The following BTNL8 variants were observed in gnomAD, a reference collection of about 807,000 sequenced individuals.
The protein encoded by BTNL8 is butyrophilin like 8, also known as butyrophilin-like protein 8.
Under a neutral mutation model 36.1 loss-of-function variants are expected in BTNL8, and 22 were observed. That is an observed-to-expected ratio of 0.61 (90% CI 0.44 to 0.87). The LOEUF (loss-of-function observed/expected upper bound fraction) is 0.87, where lower values mean the gene tolerates loss of function less well. Among genes scored for constraint, BTNL8 ranks in the 40% least tolerant of loss-of-function variants. BTNL8 has a pLI of 0.00. For synonymous variants in BTNL8, 203 were observed against 235.6 expected (o/e 0.86, Z 1.27); for missense variants, 526 against 616.9 (o/e 0.85, Z 1.56).
At chr5:180,936,548 G>A (rs1269832654) in intron 3 of BTNL8, among the ~76,000 whole-genome samples, 1 of 152,118 alleles carries the variant, frequency 6.6e-6, no homozygotes, top group Admixed American at 6.6e-5. Flanking sequence ...TTAAAATTAT[G>A]GAAAATTATA....
chr5:180,931,415 TA>T (rs1416122704), intron 3 of BTNL8, among the ~76,000 whole-genome samples: 1 of 152,078 alleles, frequency 6.6e-6, no homozygotes, highest in Non-Finnish European at 1.5e-5. Context: ...ACTTCATGAC[TA>T]AAACACTAAA....
At chr5:180,908,439 C>A in intron 1 of BTNL8, 147 bp from the exon 2 acceptor site, 2 of 766,188 alleles carry the variant, frequency 2.6e-6, no homozygotes, top group Admixed American at 2.8e-5. Context: ...GAACCCGGTA[C>A]CTCAGATGGA....
At chr5:180,914,481 A>G (rs1757536903) in intron 3 of BTNL8, among the ~76,000 whole-genome samples, 1 of 152,258 alleles carries the variant, frequency 6.6e-6, no homozygotes, top group Non-Finnish European at 1.5e-5. Context: ...GATTCAAACG[A>G]TGATTTCTAA....
rs759437011 is a variant in BTNL8 at position 180,908,797 on chromosome 5, G to A, written c.261G>A (p.Leu87=). 1.2e-6 allele frequency: 2 copies of A among 1,614,056 alleles called. No individual in the cohort carries two copies. The highest frequency in any genetic ancestry group is 3.3e-5 in the Admixed American group (2 of 60,008). The change falls in exon 2 of 8, where the codon CTG becomes CTA. Residue 87 remains leucine (L), a synonymous_variant. Transcript: ENST00000340184. ...CACAGTATCAAGGCAGGACAAAACT[G>A]GTGAAGGATTCTATTGCGGAGGGGC... is the stretch of plus-strand genomic sequence containing the variant. ...QMPQYQGRTK[L]VKDSIAEGRI...
chr5:180,950,742 C>T lies in BTNL8; in HGVS notation c.*198C>T. The T allele has an allele frequency of 6.9e-6, 4 of 582,998 alleles. 1 individual carries two copies. The East Asian group carries it at 1.3e-4, about 19-fold the overall frequency. The allele number at this position is 582,998 out of a possible 1,614,324, so 36.1% of individuals were successfully genotyped here. A position where few individuals can be genotyped will look rare whatever the true frequency, so the allele number is the denominator to read the frequency against. On this transcript the variant is annotated 3_prime_UTR_variant, in exon 8 of 8. Coordinates refer to ENST00000340184, the MANE Select transcript of BTNL8 (RefSeq NM_001040462.3). ...TTTAGTTTGCTCTCACTCCATCTGG[C>T]TAAGTGATCTTGAAATACCACCTCT... is the stretch of plus-strand genomic sequence containing the variant.
chr5:180,927,303 C>T lies in BTNL8; in HGVS notation c.673+15689C>T, dbSNP rs191694114. 1.7e-4 allele frequency among the ~76,000 whole-genome samples: 26 copies of T among 152,270 alleles called. No homozygotes were observed. In the East Asian group the frequency reaches 5.0e-3, roughly 29 times the overall value. On this transcript the variant is annotated intron_variant, in intron 3 of 7. Coordinates refer to ENST00000340184, the MANE Select transcript of BTNL8 (RefSeq NM_001040462.3). ...ACATCAACACAACAAAAAGGATGTC[C>T]ACACAGAAACCCCATTCGAAGGTCA...
At chr5:180,928,046 G>C (rs954790699) in intron 3 of BTNL8, among the ~76,000 whole-genome samples, 5 of 152,102 alleles carry the variant, frequency 3.3e-5, no homozygotes, top group African/African-American at 1.2e-4. Flanking sequence ...ATTCACCAAG[G>C]TTGAAATGAA....
At chr5:180,916,031 G>C (rs1757614818) in intron 3 of BTNL8, among the ~76,000 whole-genome samples, 1 of 152,182 alleles carries the variant, frequency 6.6e-6, no homozygotes, top group African/African-American at 2.4e-5. Flanking sequence ...TGGTCGTGGA[G>C]GCTGGGAAGT....
intron 3 of BTNL8, among the ~76,000 whole-genome samples, chr5:180,927,520 T>C (rs1029544513): frequency 1.3e-5 from 2 of 151,946 alleles, no homozygotes; most frequent in Non-Finnish European, 2.9e-5. Flanking sequence ...AGGTGGGTAA[T>C]AGCAAACTCC....
chr5:180,947,896 C>A, intron 4 of BTNL8: 2 of 1,222,730 alleles, frequency 1.6e-6, no homozygotes, highest in Non-Finnish European at 2.3e-6. Flanking sequence ...GGATAATTTT[C>A]CATGAACACC....
At chr5:180,924,415 G>A (rs1221764210) in intron 3 of BTNL8, among the ~76,000 whole-genome samples, 2 of 149,246 alleles carry the variant, frequency 1.3e-5, no homozygotes, top group Admixed American at 6.9e-5. Context: ...ACACGTCCCT[G>A]ACCAACTACA....
intron 3 of BTNL8, among the ~76,000 whole-genome samples, chr5:180,933,391 A>T (rs1424934499): frequency 6.6e-6 from 1 of 152,208 alleles, no homozygotes; most frequent in Non-Finnish European, 1.5e-5. Flanking sequence ...AGAACATATC[A>T]TATCTTAGGC....
intron 3 of BTNL8, among the ~76,000 whole-genome samples, chr5:180,921,079 A>C (rs191591787): frequency 6.6e-6 from 1 of 152,142 alleles, no homozygotes; most frequent in Admixed American, 6.5e-5. Flanking sequence ...ATTCCACAAA[A>C]AACTGTTAGA....
At chr5:180,911,648 G>A (rs374616316) in intron 3 of BTNL8, 34 bp downstream of exon 3, 142 of 1,569,700 alleles carry the variant, frequency 9.0e-5, no homozygotes, top group Middle Eastern at 1.7e-4. Context: ...AGAAGGAGGG[G>A]TGGATGCTTC....
chr5:180,950,174 G>T lies in BTNL8; in HGVS notation c.1133G>T (p.Trp378Leu). ...ACTTTGTCTCCCGATCATGGGTACT[G>T]GGTCCTCAGACTGAATGGAGAACAT... is the stretch of plus-strand genomic sequence containing the variant. The part of the protein sequence containing the change: ...YVTLSPDHGY[W>L]VLRLNGEHLY... Residue 378 changes from tryptophan (W) to leucine (L), a missense_variant, in exon 8 of 8, where the codon TGG (tryptophan) becomes TTG (leucine). Coordinates refer to ENST00000340184, the MANE Select transcript of BTNL8 (RefSeq NM_001040462.3). The T allele has an allele frequency of 6.8e-7, 1 of 1,462,830 alleles. No homozygotes were observed. The highest frequency in any genetic ancestry group is 9.4e-7 in the Non-Finnish European group (1 of 1,058,842). 90.6% of individuals were successfully genotyped at this position (1,462,830 alleles called of 1,614,324 possible).
intron 3 of BTNL8, among the ~76,000 whole-genome samples, chr5:180,930,428 C>G (rs1651794175): frequency 6.6e-6 from 1 of 152,312 alleles, no homozygotes; most frequent in African/African-American, 2.4e-5. Flanking sequence ...TTCACCACTC[C>G]TATTCAACAT....
rs1008075669 is a variant in BTNL8, at chr5:180,948,639, G to C, written c.808+264G>C. The C allele has an allele frequency of 2.9e-4, 282 of 969,852 alleles. 27 individuals are homozygous for C. The highest frequency in any genetic ancestry group is 6.2e-5 in the Non-Finnish European group (42 of 673,574). The allele number at this position is 969,852 out of a possible 1,614,324, so 60.1% of individuals were successfully genotyped here. ...CCGTTGGTTTGCTGTGTGTGTGGTG[G>C]GGGAAGGTGTTGATCATGAGCTCTG... On this transcript the variant is annotated intron_variant, in intron 5 of 7. Transcript: ENST00000340184.
At chr5:180,932,571 G>T (rs192119576) in intron 3 of BTNL8, among the ~76,000 whole-genome samples, 1 of 151,954 alleles carries the variant, frequency 6.6e-6, no homozygotes, top group African/African-American at 2.4e-5. Flanking sequence ...GGATGGTCTC[G>T]ATCTCCTGAC....
intron 3 of BTNL8, among the ~76,000 whole-genome samples, chr5:180,920,691 C>T (rs890989279): frequency 6.6e-6 from 1 of 151,988 alleles, no homozygotes; most frequent in East Asian, 1.9e-4. Context: ...AAAGTATATA[C>T]CTGATAAAGA....
Sources: allele counts gnomAD v4.1 joint callset (sites outside exome capture counted in the v4.1 genomes callset), GRCh38; gene constraint gnomAD v4.1.1; transcripts MANE v1.5; gene names NCBI Gene and HGNC (gene_info 2026-07-23, HGNC 2026-07-21).